The following SPAG9 variants were observed in gnomAD, a reference collection of about 807,000 sequenced individuals.
The protein encoded by SPAG9 is sperm associated antigen 9.
Under a neutral mutation model 166.5 loss-of-function variants are expected in SPAG9, and 35 were observed. The ratio of observed to expected loss-of-function variants is 0.21; its 90% CI spans 0.16 to 0.28. The LOEUF (loss-of-function observed/expected upper bound fraction) is 0.28. SPAG9 is among the 10% of genes least tolerant of loss of function. The pLI, the probability that SPAG9 is intolerant of heterozygous loss-of-function variation, is 1.00. For synonymous variants in SPAG9, 534 were observed against 565.5 expected, an observed-to-expected ratio of 0.94 and a Z score of 0.79; for missense variants, 1,235 against 1,603.3, an observed-to-expected ratio of 0.77 and a Z score of 3.92.
intron 2 of SPAG9, among the ~76,000 whole-genome samples, chr17:51,072,852 C>T (rs1205123659): frequency 6.6e-6 from 1 of 152,088 alleles, no homozygotes; most frequent in Non-Finnish European, 1.5e-5. Flanking sequence ...GTATAGGGAA[C>T]TAATGATACT....
intron 3 of SPAG9, among the ~76,000 whole-genome samples, chr17:51,047,744 C>T (rs943469995): frequency 5.4e-5 from 8 of 148,020 alleles, no homozygotes; most frequent in South Asian, 2.1e-4. Context: ...ATATGTGATG[C>T]TATTAAAATA....
At chr17:50,995,665 T>C (rs1206510996) in intron 16 of SPAG9, 132 bp from the exon 17 acceptor site, 13 of 632,394 alleles carry the variant, frequency 2.1e-5, no homozygotes, top group Non-Finnish European at 3.6e-5. Flanking sequence ...TCAGGTTTTT[T>C]GTTTTTTTGT....
chr17:51,120,312 C>A lies in SPAG9; in HGVS notation c.303+42G>T. 1 of 1,484,164 alleles carries A rather than the reference C, an allele frequency of 6.7e-7. No individual in the cohort carries two copies. Among genetic ancestry groups the A allele is most frequent in the Non-Finnish European group, 9.0e-7 (1 of 1,116,972 alleles). 91.9% of individuals were successfully genotyped at this position (1,484,164 alleles called of 1,614,324 possible). A position where few individuals can be genotyped will look rare whatever the true frequency, so the allele number is the denominator to read the frequency against. On this transcript the variant is annotated intron_variant, in intron 1 of 29. Transcript: ENST00000262013. The surrounding 1 kb of genome is among the most constrained non-coding windows in gnomAD (Gnocchi z 4.7). Reference sequence around the variant, plus strand: ...GCCGCGACCCCGCCCCGGCCGCCCCCGGAGACGGATCCCGCGGCCCCCGCC... The same window carrying A: ...GCCGCGACCCCGCCCCGGCCGCCCCAGGAGACGGATCCCGCGGCCCCCGCC...
chr17:51,022,415 A>C (rs938121863), intron 6 of SPAG9, among the ~76,000 whole-genome samples: 2 of 152,140 alleles, frequency 1.3e-5, no homozygotes, highest in Non-Finnish European at 2.9e-5. Context: ...GATAGGTTTC[A>C]AGAGGTATAT....
intron 3 of SPAG9, among the ~76,000 whole-genome samples, chr17:51,049,731 G>T (rs1048509625): frequency 4.6e-5 from 7 of 151,978 alleles, no homozygotes; most frequent in Admixed American, 1.3e-4. Context: ...CAAGTAGCTG[G>T]GTACTACAGG....
chr17:51,018,642 A>G (rs1568004349), intron 8 of SPAG9, among the ~76,000 whole-genome samples: 1 of 152,176 alleles, frequency 6.6e-6, no homozygotes, highest in Non-Finnish European at 1.5e-5. Flanking sequence ...AACTCCAGGT[A>G]AGTGCTAGGG....
chr17:51,079,055 C>T (rs374264771), intron 2 of SPAG9, among the ~76,000 whole-genome samples: 2 of 151,968 alleles, frequency 1.3e-5, no homozygotes, highest in African/African-American at 2.4e-5. Context: ...TGAGTCTGAT[C>T]GATATATCTG....
intron 1 of SPAG9, among the ~76,000 whole-genome samples, chr17:51,111,117 A>G (rs1401695720): frequency 6.6e-6 from 1 of 150,484 alleles, no homozygotes; most frequent in African/African-American, 2.4e-5. Context: ...CTCCGTCTCA[A>G]AAAAAAAAAG....
chr17:51,046,831 G>T, intron 4 of SPAG9: 2 of 1,532,108 alleles, frequency 1.3e-6, no homozygotes, highest in Non-Finnish European at 1.7e-6. Context: ...ACGTCATTCC[G>T]TTCTCCCCAC....
At chr17:51,094,794 A>T (rs2048565525) in intron 1 of SPAG9, among the ~76,000 whole-genome samples, 1 of 152,242 alleles carries the variant, frequency 6.6e-6, no homozygotes, top group Non-Finnish European at 1.5e-5. Context: ...GGATTCCCCA[A>T]GTAATGATCC....
intron 3 of SPAG9, 47 bp from the exon 4 acceptor site, chr17:51,047,516 G>A: frequency 3.5e-6 from 3 of 868,012 alleles, no homozygotes; most frequent in South Asian, 1.6e-5. Flanking sequence ...GCTAATACCT[G>A]GAATAAAATC....
chr17:50,988,792 C>T (rs981072356), intron 21 of SPAG9, among the ~76,000 whole-genome samples: 4 of 152,180 alleles, frequency 2.6e-5, no homozygotes, highest in East Asian at 1.9e-4. Context: ...TGGACTCAAG[C>T]AATCCTCCTG....
At chr17:50,976,921 T>C in intron 27 of SPAG9, 187 bp downstream of exon 27, 1 of 456,048 alleles carries the variant, frequency 2.2e-6, no homozygotes, top group East Asian at 3.7e-5. Flanking sequence ...CTTTTAATTA[T>C]GAGTATTGGT....
At chr17:51,040,954 G>C (rs1184515923) in intron 5 of SPAG9, among the ~76,000 whole-genome samples, 1 of 152,254 alleles carries the variant, frequency 6.6e-6, no homozygotes, top group East Asian at 1.9e-4. Flanking sequence ...ATATATTATT[G>C]TTTATATTTA....
chr17:50,989,244 T>C (rs943900383), intron 21 of SPAG9, among the ~76,000 whole-genome samples: 1 of 152,196 alleles, frequency 6.6e-6, no homozygotes, highest in South Asian at 2.1e-4. Flanking sequence ...GTTCCAATTA[T>C]CTACAGTATT....
intron 1 of SPAG9, among the ~76,000 whole-genome samples, chr17:51,112,688 A>C (rs1270848088): frequency 2.0e-5 from 3 of 150,340 alleles, no homozygotes; most frequent in East Asian, 1.9e-4. Flanking sequence ...AAAAAAAAAA[A>C]AAAAAAAAAA....
At chr17:51,042,570 T>C in intron 4 of SPAG9, 1 of 152,200 alleles carries the variant, frequency 6.6e-6, no homozygotes, top group East Asian at 1.9e-4. Context: ...GAATGTAAGT[T>C]AGAATAAAAA....
At chr17:51,050,521 G>C (rs781162791) in intron 3 of SPAG9, among the ~76,000 whole-genome samples, 1 of 152,126 alleles carries the variant, frequency 6.6e-6, no homozygotes, top group Admixed American at 6.6e-5. Context: ...GACTCAGGCC[G>C]CCTTTGTACT....
At chr17:51,102,961 T>C (rs1412542116) in intron 1 of SPAG9, among the ~76,000 whole-genome samples, 1 of 152,134 alleles carries the variant, frequency 6.6e-6, no homozygotes, top group Admixed American at 6.6e-5. Flanking sequence ...GTAATTCCAA[T>C]GATCTTAACA....
Sources: gnomAD v4.1 joint callset for allele counts (sites outside exome capture counted in the v4.1 genomes callset) on GRCh38, gnomAD v4.1.1 for gene constraint, Gnocchi (gnomAD v3.1) non-coding constraint, MANE v1.5 for transcripts, NCBI Gene and HGNC (gene_info 2026-07-23, HGNC 2026-07-21) for gene names.